Variants in RTN1 observed in about 807,000 individuals in gnomAD.
RTN1 encodes the protein reticulon-1.
In RTN1, 25 loss-of-function variants were observed where a neutral mutation model predicts 65.5. The ratio of observed to expected loss-of-function variants is 0.38; its 90% CI spans 0.28 to 0.53. The LOEUF is 0.53. Among genes scored for constraint, RTN1 ranks in the 20% least tolerant of loss-of-function variants. RTN1 has a pLI of 0.79. For missense variants in RTN1, 983 were observed against 1,025.4 expected (o/e 0.96, Z 0.57); for synonymous variants, 471 against 447.6 (o/e 1.05, Z -0.66).
chr14:59,677,610 C>G (rs1883655026), intron 3 of RTN1, among the ~76,000 whole-genome samples: 1 of 152,160 alleles, frequency 6.6e-6, no homozygotes, highest in Non-Finnish European at 1.5e-5. Context: ...CATCACTAAA[C>G]AAACACAAAT....
At chr14:59,697,420 T>A (rs1168195463) in intron 3 of RTN1, among the ~76,000 whole-genome samples, 1 of 152,186 alleles carries the variant, frequency 6.6e-6, no homozygotes, top group East Asian at 1.9e-4. Flanking sequence ...ACTGAATATA[T>A]GTTTACAGAA....
chr14:59,631,210 AG>A (rs1402216894), intron 3 of RTN1, among the ~76,000 whole-genome samples: 3 of 152,234 alleles, frequency 2.0e-5, no homozygotes, highest in Non-Finnish European at 4.4e-5. Context: ...CTGGAGAGAA[AG>A]CCTACTGCTC....
At chr14:59,711,911 A>T (rs181732553) in intron 3 of RTN1, among the ~76,000 whole-genome samples, 2 of 152,276 alleles carry the variant, frequency 1.3e-5, no homozygotes, top group African/African-American at 4.8e-5. Context: ...CCATAGGCAA[A>T]AGTGACATGT....
At chr14:59,719,779 A>G (rs993104462) in intron 3 of RTN1, among the ~76,000 whole-genome samples, 2 of 152,316 alleles carry the variant, frequency 1.3e-5, no homozygotes, top group South Asian at 4.1e-4. Context: ...CCTTGACCTC[A>G]TGTTGCCTCT....
At chr14:59,739,994 T>C (rs908123160) in intron 2 of RTN1, among the ~76,000 whole-genome samples, 2 of 152,206 alleles carry the variant, frequency 1.3e-5, no homozygotes, top group Non-Finnish European at 2.9e-5. Context: ...GCTGGCCTGA[T>C]GCTGCGTTGT....
chr14:59,756,207 T>A (rs2139536891), intron 1 of RTN1, among the ~76,000 whole-genome samples: 1 of 152,308 alleles, frequency 6.6e-6, no homozygotes, highest in African/African-American at 2.4e-5. Flanking sequence ...GAGCTTGGAA[T>A]CATGTTTTGG....
intron 3 of RTN1, chr14:59,630,311 T>A: frequency 9.3e-7 from 1 of 1,080,474 alleles, no homozygotes. Context: ...ATAAGAGGTT[T>A]ACTACCCCCC....
chr14:59,714,997 G>C (rs1884504434), intron 3 of RTN1, among the ~76,000 whole-genome samples: 1 of 152,188 alleles, frequency 6.6e-6, no homozygotes, highest in South Asian at 2.1e-4. Context: ...CTCCTTATGA[G>C]ACTCTAATGC....
At chr14:59,675,274 G>T (rs956115930) in intron 3 of RTN1, among the ~76,000 whole-genome samples, 15 of 152,104 alleles carry the variant, frequency 9.9e-5, no homozygotes, top group Admixed American at 9.8e-4. Context: ...GCATATGGGG[G>T]TGAAGGCAGG....
At chr14:59,603,017 C>G (rs554955612) in intron 8 of RTN1, 48 bp downstream of exon 8, 3 of 1,493,472 alleles carry the variant, frequency 2.0e-6, no homozygotes, top group Non-Finnish European at 2.8e-6. Context: ...CACTCAAATG[C>G]TGATGTAAGA....
At chr14:59,838,000 G>T (rs1224019018) in intron 1 of RTN1, among the ~76,000 whole-genome samples, 4 of 152,018 alleles carry the variant, frequency 2.6e-5, no homozygotes, top group African/African-American at 9.7e-5. Context: ...TGTTACATGG[G>T]TATAATGCAT....
chr14:59,646,708 GAAGA>G (rs780140184), intron 3 of RTN1, among the ~76,000 whole-genome samples: 10 of 152,092 alleles, frequency 6.6e-5, no homozygotes, highest in Non-Finnish European at 1.5e-4. Context: ...CCTCAGTGAA[GAAGA>G]AATAAGATCC....
chr14:59,792,699 C>T (rs1886370685), intron 1 of RTN1, among the ~76,000 whole-genome samples: 1 of 152,152 alleles, frequency 6.6e-6, no homozygotes, highest in African/African-American at 2.4e-5. Context: ...AACCCGGTCA[C>T]ACTTAATGGT....
intron 3 of RTN1, among the ~76,000 whole-genome samples, chr14:59,675,553 A>G (rs1269618574): frequency 1.5e-5 from 1 of 68,292 alleles, no homozygotes; most frequent in East Asian, 3.4e-4. Context: ...GTAAAAATAA[A>G]TAATTTAATA....
chr14:59,795,117 G>A (rs569711016), intron 1 of RTN1, among the ~76,000 whole-genome samples: 76 of 152,224 alleles, frequency 5.0e-4, no homozygotes, highest in African/African-American at 1.8e-3. Context: ...TTGTGTGTAT[G>A]TTTGTGTGCA....
At chr14:59,742,666 A>G (rs550554400) in intron 2 of RTN1, among the ~76,000 whole-genome samples, 1 of 152,330 alleles carries the variant, frequency 6.6e-6, no homozygotes, top group East Asian at 1.9e-4. Flanking sequence ...TGATTTCCTT[A>G]TTTATTAAAC....
Position 59,653,478 on chromosome 14 carries a change from T to G in RTN1, c.1766-45986A>C, listed in dbSNP as rs571639707. Among the ~76,000 whole-genome samples, 40 of 152,232 alleles carry G rather than the reference T, an allele frequency of 2.6e-4. 1 individual carries two copies. The South Asian group carries it at 8.3e-3, about 32-fold the overall frequency. ...TAGAAACAAAGAATTCCAGAAATAG[T>G]AAATATTTTGGTGTATGTAATAGAC... On this transcript the variant is annotated intron_variant, in intron 3 of 8. Coordinates refer to ENST00000267484, the MANE Select transcript of RTN1 (RefSeq NM_021136.3).
At chr14:59,750,161 T>C (rs1341678014) in intron 1 of RTN1, among the ~76,000 whole-genome samples, 1 of 67,190 alleles carries the variant, frequency 1.5e-5, no homozygotes, top group Non-Finnish European at 2.5e-5. Flanking sequence ...ATAGATAATA[T>C]ATATTATATC....
At chr14:59,863,932 TC>T (rs1407024517) in intron 1 of RTN1, among the ~76,000 whole-genome samples, 1 of 152,136 alleles carries the variant, frequency 6.6e-6, no homozygotes, top group Non-Finnish European at 1.5e-5. Context: ...TTTCACCTCT[TC>T]CAATGCTGTT....
Sources: allele counts gnomAD v4.1 joint callset (sites outside exome capture counted in the v4.1 genomes callset), GRCh38; gene constraint gnomAD v4.1.1; transcripts MANE v1.5; gene names NCBI Gene and HGNC (gene_info 2026-07-23, HGNC 2026-07-21).